Variants in CCDC141 observed in about 807,000 individuals in gnomAD.
CCDC141 encodes the protein coiled-coil domain-containing protein 141.
In CCDC141, 168 loss-of-function variants were observed where a neutral mutation model predicts 181.0. That is an observed-to-expected ratio of 0.93 (90% CI 0.82 to 1.05). CCDC141 has a LOEUF of 1.05. Ranked by LOEUF, CCDC141 falls within the 50% of genes least tolerant of loss-of-function variation. The pLI is 0.00. For synonymous variants in CCDC141, 666 were observed against 642.3 expected (o/e 1.04, Z -0.56); for missense variants, 1,902 against 1,788.5 (o/e 1.06, Z -1.14).
chr2:179,046,889 CG>C (rs2043515015), intron 2 of CCDC141, among the ~76,000 whole-genome samples: 1 of 152,112 alleles, frequency 6.6e-6, no homozygotes, highest in Non-Finnish European at 1.5e-5. Context: ...AATAGTCCAA[CG>C]GGGGAAAAGT....
chr2:178,919,802 C>T (rs1477446159), intron 6 of CCDC141, among the ~76,000 whole-genome samples: 3 of 152,176 alleles, frequency 2.0e-5, no homozygotes, highest in East Asian at 3.9e-4. Context: ...TACCTTTGCA[C>T]CAACCTAATA....
the CCDC141 span, among the ~76,000 whole-genome samples, chr2:178,815,195 A>G: frequency 6.6e-6 from 1 of 152,356 alleles, no homozygotes; most frequent in South Asian, 2.1e-4. Flanking sequence ...GCTCCATAAC[A>G]TATATCTTAA....
chr2:178,909,789 A>C lies in CCDC141; in HGVS notation c.1093-4288T>G, dbSNP rs1688141404. 2.0e-5 allele frequency among the ~76,000 whole-genome samples: 3 copies of C among 152,342 alleles called. 1 individual carries two copies. In the South Asian group the frequency reaches 6.2e-4, roughly 32 times the overall value. On this transcript the variant is annotated intron_variant, in intron 7 of 23. Coordinates refer to ENST00000443758, the MANE Select transcript of CCDC141 (RefSeq NM_173648.4). ...CAGTACAGAACATATTATTTCTGGC[A>C]ATAAGAACACTGTGACCCCCATGTA... is the stretch of plus-strand genomic sequence containing the variant.
intron 2 of CCDC141, among the ~76,000 whole-genome samples, chr2:178,983,242 G>A (rs1345110189): frequency 6.6e-6 from 1 of 152,108 alleles, no homozygotes; most frequent in Non-Finnish European, 1.5e-5. Flanking sequence ...CAACAGACCT[G>A]CAGCTGAGGG....
At chr2:179,048,895 G>A (rs980522330) in intron 1 of CCDC141, among the ~76,000 whole-genome samples, 18 of 152,172 alleles carry the variant, frequency 1.2e-4, no homozygotes, top group African/African-American at 3.1e-4. Flanking sequence ...CAGCAATTAA[G>A]TTAAAGTAAA....
Position 178,869,164 on chromosome 2 carries a change from C to A in CCDC141, c.2347G>T (p.Glu783Ter), listed in dbSNP as rs760619402. ...QKQKERIQDY[E>*]DILYKVVQFH... ...TGGACCACCTTGTACAGGATATCCTCGTAATCCTGGATTCTCTCTTTCTGT... is the reference window on the plus strand; with the variant it reads ...TGGACCACCTTGTACAGGATATCCTAGTAATCCTGGATTCTCTCTTTCTGT... The change falls in exon 15 of 24, where the codon GAG becomes TAG. Residue 783 changes from glutamate (E) to a stop codon, truncating the protein, a stop_gained. Coordinates refer to ENST00000443758, the MANE Select transcript of CCDC141 (RefSeq NM_173648.4). LOFTEE classifies it high-confidence loss of function. 3.1e-6 allele frequency: 5 copies of A among 1,613,014 alleles called. No individual in the cohort carries two copies. In the East Asian group the frequency reaches 8.9e-5, roughly 29 times the overall value.
intron 2 of CCDC141, among the ~76,000 whole-genome samples, chr2:179,003,453 A>G (rs1410627964): frequency 1.3e-5 from 2 of 152,238 alleles, no homozygotes; most frequent in Non-Finnish European, 2.9e-5. Flanking sequence ...ATGAACACTA[A>G]TAATAACTAT....
chr2:178,978,259 T>C lies in CCDC141; in HGVS notation c.417+225A>G, dbSNP rs923082820. Among the ~76,000 whole-genome samples, 7 of 152,352 alleles carry C rather than the reference T, an allele frequency of 4.6e-5. No individual in the cohort carries two copies. In the South Asian group the frequency reaches 1.4e-3, roughly 32 times the overall value. On this transcript the variant is annotated intron_variant, in intron 3 of 23. Coordinates refer to ENST00000443758, the MANE Select transcript of CCDC141 (RefSeq NM_173648.4). ...TATTACTTAATATTTTACCAAATTT[T>C]AGTTATTTAACTGTACTTTGTTTTT...
chr2:178,871,014 A>G (rs1558943118), intron 14 of CCDC141, among the ~76,000 whole-genome samples: 1 of 152,112 alleles, frequency 6.6e-6, no homozygotes, highest in African/African-American at 2.4e-5. Flanking sequence ...GGACAGTGAC[A>G]TAACAGTGGT....
intron 4 of CCDC141, among the ~76,000 whole-genome samples, chr2:178,964,536 G>C (rs1411698316): frequency 6.6e-6 from 1 of 151,770 alleles, no homozygotes; most frequent in Non-Finnish European, 1.5e-5. Context: ...CCACAGTATT[G>C]CCAGGCACAC....
Position 179,047,270 on chromosome 2 carries a change from T to C in CCDC141, c.225+14A>G. The C allele has an allele frequency of 6.6e-7, 1 of 1,512,980 alleles. No individual in the cohort carries two copies. 93.7% of individuals were successfully genotyped at this position (1,512,980 alleles called of 1,614,324 possible). A position where few individuals can be genotyped will look rare whatever the true frequency, so the allele number is the denominator to read the frequency against. Reference sequence around the variant, plus strand: ...TCTTTAATTTTGTTTCTGCTTCACATCTTAGTATCTTACCTTGAGCTTGGC... The same window carrying C: ...TCTTTAATTTTGTTTCTGCTTCACACCTTAGTATCTTACCTTGAGCTTGGC... On this transcript the variant is annotated intron_variant, in intron 2 of 23. Transcript: ENST00000443758.
chr2:178,982,268 A>G (rs1486980732), intron 2 of CCDC141, among the ~76,000 whole-genome samples: 1 of 152,228 alleles, frequency 6.6e-6, no homozygotes, highest in Non-Finnish European at 1.5e-5. Context: ...GTTACAGAGT[A>G]TAAGATCAAT....
chr2:178,904,833 C>A (rs1034433283), intron 8 of CCDC141, among the ~76,000 whole-genome samples: 5 of 152,126 alleles, frequency 3.3e-5, no homozygotes, highest in African/African-American at 1.2e-4. Flanking sequence ...AGCATGGGGT[C>A]TGGTGCCCAT....
chr2:178,826,301 T>C (rs1385624898), downstream of CCDC141, among the ~76,000 whole-genome samples: 1 of 152,208 alleles, frequency 6.6e-6, no homozygotes, highest in East Asian at 1.9e-4. Context: ...TGGGATTCTT[T>C]TTATCCATTG....
chr2:178,983,709 G>T (rs962288197), intron 2 of CCDC141, among the ~76,000 whole-genome samples: 2 of 151,686 alleles, frequency 1.3e-5, no homozygotes, highest in African/African-American at 4.8e-5. Context: ...GGAAGAAAGG[G>T]TATCAGCAAT....
chr2:179,009,900 T>A (rs998096609), intron 2 of CCDC141, among the ~76,000 whole-genome samples: 1 of 151,672 alleles, frequency 6.6e-6, no homozygotes, highest in African/African-American at 2.4e-5. Flanking sequence ...ATCCAAAACA[T>A]GATACAAGAA....
intron 20 of CCDC141, among the ~76,000 whole-genome samples, chr2:178,852,103 T>G (rs778303187): frequency 2.6e-5 from 4 of 152,182 alleles, no homozygotes; most frequent in Non-Finnish European, 5.9e-5. Flanking sequence ...AAATCGCTCC[T>G]CAAATACAGC....
chr2:178,817,884 C>A, the CCDC141 span, among the ~76,000 whole-genome samples: 1 of 138,942 alleles, frequency 7.2e-6, no homozygotes, highest in Non-Finnish European at 1.5e-5. Flanking sequence ...CTCACTGCAA[C>A]CTGTTCCTCC....
At chr2:179,039,289 T>C (rs1271016532) in intron 2 of CCDC141, among the ~76,000 whole-genome samples, 4 of 152,162 alleles carry the variant, frequency 2.6e-5, no homozygotes, top group Non-Finnish European at 5.9e-5. Flanking sequence ...TTCTCAGTTT[T>C]CGGAATTTTT....
Sources: gnomAD v4.1 joint callset for allele counts (sites outside exome capture counted in the v4.1 genomes callset) on GRCh38, gnomAD v4.1.1 for gene constraint, MANE v1.5 for transcripts, NCBI Gene and HGNC (gene_info 2026-07-23, HGNC 2026-07-21) for gene names.